The following ZNF462 variants were observed in gnomAD, a reference collection of about 807,000 sequenced individuals.
The protein encoded by ZNF462 is zinc finger protein 462.
Under a neutral mutation model 201.9 loss-of-function variants are expected in ZNF462, and 10 were observed. The ratio of observed to expected loss-of-function variants is 0.05; its 90% confidence interval spans 0.03 to 0.08. The LOEUF (loss-of-function observed/expected upper bound fraction) is 0.08, where lower values mean the gene tolerates loss of function less well. ZNF462 is among the 10% of genes least tolerant of loss of function. The pLI is 1.00. For synonymous variants in ZNF462, 1,227 were observed against 1,193.3 expected, an observed-to-expected ratio of 1.03 and a Z score of -0.58; for missense variants, 2,523 against 3,168.3, an observed-to-expected ratio of 0.80 and a Z score of 4.89.
chr9:106,982,606 C>G (rs551120662), intron 9 of ZNF462, among the ~76,000 whole-genome samples: 2 of 152,208 alleles, frequency 1.3e-5, no homozygotes, highest in South Asian at 4.2e-4. Context: ...GTCTGCTATA[C>G]TTGGGTTTAA....
chr9:106,894,451 C>T (rs1828725669), intron 1 of ZNF462, among the ~76,000 whole-genome samples: 1 of 152,204 alleles, frequency 6.6e-6, no homozygotes, highest in African/African-American at 2.4e-5. Context: ...CGGGAGGGAT[C>T]TCTAACTCTT....
At chr9:106,934,427 C>A (rs956142008) in intron 5 of ZNF462, among the ~76,000 whole-genome samples, 1 of 151,920 alleles carries the variant, frequency 6.6e-6, no homozygotes, top group Non-Finnish European at 1.5e-5. Context: ...TGACTTCATG[C>A]GTGGGATGAG....
chr9:107,006,718 G>C lies in ZNF462; in HGVS notation c.7190-2827G>C, dbSNP rs1829572194. On this transcript the variant is annotated intron_variant, in intron 11 of 12. Coordinates refer to ENST00000277225, the MANE Select transcript of ZNF462 (RefSeq NM_021224.6). This position sits in a 1 kb window ranked among gnomAD's most constrained non-coding sequence, Gnocchi z 4.3. ...GGCTAAAGACTATGGGTTTGCGAAG[G>C]GGGCCCCAGTTTGGCTCTTGAACCC... is the stretch of plus-strand genomic sequence containing the variant. Among the ~76,000 whole-genome samples the C allele has an allele frequency of 6.6e-6, 1 of 152,034 alleles. No homozygotes were observed. The highest frequency in any genetic ancestry group is 1.5e-5 in the Non-Finnish European group (1 of 68,014).
At chr9:106,889,548 C>G (rs1421248275) in intron 1 of ZNF462, among the ~76,000 whole-genome samples, 8 of 152,236 alleles carry the variant, frequency 5.3e-5, no homozygotes, top group Non-Finnish European at 1.2e-4. Flanking sequence ...CCCGCTCACA[C>G]TTTCCTTGGT....
intron 7 of ZNF462, among the ~76,000 whole-genome samples, chr9:106,942,058 C>A (rs761415797): frequency 2.6e-5 from 4 of 152,218 alleles, no homozygotes. Flanking sequence ...ACAATGTGAA[C>A]ACACCAACCA....
Position 107,012,180 on chromosome 9 carries a change from A to G in ZNF462, c.*1150A>G, listed in dbSNP as rs1432315521. 1.4e-5 allele frequency: 2 copies of G among 147,064 alleles called. No individual in the cohort carries two copies. Among genetic ancestry groups the G allele is most frequent in the Non-Finnish European group, 3.0e-5 (2 of 67,358 alleles). The allele number at this position is 147,064 out of a possible 1,614,324, so 9.1% of individuals were successfully genotyped here. On this transcript the variant is annotated 3_prime_UTR_variant, in exon 13 of 13. Coordinates refer to ENST00000277225, the MANE Select transcript of ZNF462 (RefSeq NM_021224.6). ...GGCACAGCTATGCAGCTTGTGGGCC[A>G]GACGAGGAGGTCCTCCTCACCCTTT...
chr9:106,992,879 A>T (rs1365303127), intron 10 of ZNF462, among the ~76,000 whole-genome samples: 2 of 152,112 alleles, frequency 1.3e-5, no homozygotes, highest in Non-Finnish European at 2.9e-5. Context: ...CCCATAACCC[A>T]ACACACAGTA....
intron 9 of ZNF462, chr9:106,975,146 G>A (rs1262836459): frequency 6.6e-6 from 1 of 152,206 alleles, no homozygotes; most frequent in East Asian, 1.9e-4. Context: ...GATTACTGGA[G>A]TACTCATTGC....
intron 7 of ZNF462, among the ~76,000 whole-genome samples, chr9:106,947,512 A>G (rs1351521937): frequency 6.6e-6 from 1 of 152,198 alleles, no homozygotes; most frequent in Non-Finnish European, 1.5e-5. Context: ...AAAGTCATCC[A>G]TTCTGGTTTA....
At chr9:106,906,290 G>A (rs1014151246) in intron 1 of ZNF462, among the ~76,000 whole-genome samples, 9 of 152,338 alleles carry the variant, frequency 5.9e-5, no homozygotes, top group Middle Eastern at 3.4e-3. Context: ...CAGAGGGCCT[G>A]TGGGGTCCTC....
chr9:106,983,126 T>C (rs980339724), intron 9 of ZNF462, among the ~76,000 whole-genome samples: 1 of 152,240 alleles, frequency 6.6e-6, no homozygotes, highest in Non-Finnish European at 1.5e-5. Flanking sequence ...ATCCCAGTTA[T>C]GGATATCTGG....
At chr9:107,004,079 GTATAT>G (rs1379255587) in intron 11 of ZNF462, among the ~76,000 whole-genome samples, 1 of 152,132 alleles carries the variant, frequency 6.6e-6, no homozygotes, top group Non-Finnish European at 1.5e-5. Flanking sequence ...GTTTTCAAAA[GTATAT>G]TTAGTTGTGG....
At position 106,880,368 on chromosome 9, in the gene ZNF462, CT is replaced by C. The variant is rs1370640071; in HGVS notation, c.-31+17016del. Among the ~76,000 whole-genome samples the C allele has an allele frequency of 6.6e-6, 1 of 152,214 alleles. No individual in the cohort carries two copies. The highest frequency in any genetic ancestry group is 1.5e-5 in the Non-Finnish European group (1 of 68,044). ...TTAACAGTGCAGAAATGAATTCCTT[CT>C]TTCAGCTACCTTACCACTTGTTTTC... On this transcript the variant is annotated intron_variant, in intron 1 of 12. Coordinates refer to ENST00000277225, the MANE Select transcript of ZNF462 (RefSeq NM_021224.6). The surrounding 1 kb of genome is among the most constrained non-coding windows in gnomAD (Gnocchi z 4.1).
At chr9:106,908,948 T>G in intron 1 of ZNF462, among the ~76,000 whole-genome samples, 1 of 41,658 alleles carries the variant, frequency 2.4e-5, no homozygotes, top group African/African-American at 1.3e-4. Context: ...TATATTTTTT[T>G]TTTTTTTTTT....
intron 10 of ZNF462, among the ~76,000 whole-genome samples, chr9:106,990,694 T>C (rs904790666): frequency 5.9e-5 from 9 of 152,060 alleles, no homozygotes; most frequent in African/African-American, 2.2e-4. Flanking sequence ...AATTGCGACT[T>C]CCTGCATGCC....
rs1316687062 is a variant in ZNF462, at chr9:106,966,777, C to T, written c.6428-5228C>T. 6.6e-6 allele frequency among the ~76,000 whole-genome samples: 1 copy of T among 152,068 alleles called. No individual in the cohort carries two copies. Among genetic ancestry groups the T allele is most frequent in the East Asian group, 1.9e-4 (1 of 5,188 alleles). On this transcript the variant is annotated intron_variant, in intron 7 of 12. Transcript: ENST00000277225. The surrounding 1 kb of genome is among the most constrained non-coding windows in gnomAD (Gnocchi z 4.4). ...GCCCCTTGGCCACCTCTAAAATTTGCTTGCCTAAAATTCCTTGTCTTTTAT... is the reference window on the plus strand; with the variant it reads ...GCCCCTTGGCCACCTCTAAAATTTGTTTGCCTAAAATTCCTTGTCTTTTAT...
At chr9:106,884,073 G>A (rs899732386) in intron 1 of ZNF462, among the ~76,000 whole-genome samples, 4 of 152,242 alleles carry the variant, frequency 2.6e-5, no homozygotes, top group Non-Finnish European at 5.9e-5. Context: ...CTTGTGGTAT[G>A]CAGCAGTGAT....
At chr9:106,969,021 T>A (rs2132001936) in intron 7 of ZNF462, among the ~76,000 whole-genome samples, 1 of 152,300 alleles carries the variant, frequency 6.6e-6, no homozygotes, top group Non-Finnish European at 1.5e-5. Flanking sequence ...CATGTCTTTA[T>A]CACTTTAGTG....
Position 106,954,018 on chromosome 9 carries a change from A to G in ZNF462, c.6427+14911A>G, listed in dbSNP as rs1306877052. ...TCCTCATCTCTTACCTAAGCCATTAATTACCATGTTTATCCCACCTGCAAA... is the reference window on the plus strand; with the variant it reads ...TCCTCATCTCTTACCTAAGCCATTAGTTACCATGTTTATCCCACCTGCAAA... On this transcript the variant is annotated intron_variant, in intron 7 of 12. Transcript: ENST00000277225. The surrounding 1 kb of genome is among the most constrained non-coding windows in gnomAD (Gnocchi z 4.0). Among the ~76,000 whole-genome samples, 1 of 152,090 alleles carries G rather than the reference A, an allele frequency of 6.6e-6. No individual in the cohort carries two copies. Among genetic ancestry groups the G allele is most frequent in the Non-Finnish European group, 1.5e-5 (1 of 68,014 alleles).
Sources: gnomAD v4.1 joint callset for allele counts (sites outside exome capture counted in the v4.1 genomes callset) on GRCh38, gnomAD v4.1.1 for gene constraint, Gnocchi (gnomAD v3.1) non-coding constraint, MANE v1.5 for transcripts, NCBI Gene and HGNC (gene_info 2026-07-23, HGNC 2026-07-21) for gene names.